PTPRD: variants seen among roughly 807,000 people sequenced by gnomAD.
PTPRD encodes the protein receptor-type tyrosine-protein phosphatase delta.
In PTPRD, 34 loss-of-function variants were observed where a neutral mutation model predicts 214.5. That is an observed-to-expected ratio of 0.16 (90% CI 0.12 to 0.21). The LOEUF (loss-of-function observed/expected upper bound fraction) is 0.21, where lower values mean the gene tolerates loss of function less well. Ranked by LOEUF, PTPRD falls within the 10% of genes least tolerant of loss-of-function variation. The pLI is 1.00. For synonymous variants in PTPRD, 1,128 were observed against 845.7 expected, an observed-to-expected ratio of 1.33 and a Z score of -5.79; for missense variants, 2,545 against 2,398.7, an observed-to-expected ratio of 1.06 and a Z score of -1.27.
At chr9:9,522,157 CAAA>C (rs770450649) in intron 8 of PTPRD, among the ~76,000 whole-genome samples, 1 of 40,450 alleles carries the variant, frequency 2.5e-5, no homozygotes. Flanking sequence ...ATCTCCATCT[CAAA>C]AAAAAAAAAA....
chr9:9,843,191 C>T (rs1048537742), intron 5 of PTPRD, among the ~76,000 whole-genome samples: 3 of 152,038 alleles, frequency 2.0e-5, no homozygotes, highest in Non-Finnish European at 2.9e-5. Context: ...CAGAAAAAGT[C>T]TGCTACTCAC....
At chr9:8,953,534 G>C (rs1164841171) in intron 11 of PTPRD, among the ~76,000 whole-genome samples, 1 of 151,990 alleles carries the variant, frequency 6.6e-6, no homozygotes, top group Non-Finnish European at 1.5e-5. Flanking sequence ...CACAGCAAGA[G>C]AAATTATCAA....
chr9:10,586,566 G>T (rs1370031350), intron 2 of PTPRD, among the ~76,000 whole-genome samples: 1 of 152,042 alleles, frequency 6.6e-6, no homozygotes, highest in Non-Finnish European at 1.5e-5. Context: ...AAATGACAAC[G>T]ATAGTAAGAA....
intron 5 of PTPRD, among the ~76,000 whole-genome samples, chr9:9,767,300 A>G (rs1193330238): frequency 6.6e-6 from 1 of 152,116 alleles, no homozygotes; most frequent in African/African-American, 2.4e-5. Context: ...GTGGCAGTGA[A>G]GCACTCATTA....
chr9:9,414,128 C>G (rs1279695210), intron 8 of PTPRD, among the ~76,000 whole-genome samples: 3 of 152,252 alleles, frequency 2.0e-5, no homozygotes. Flanking sequence ...ACAATCCAAA[C>G]TCTTCAATTA....
chr9:9,553,458 T>C (rs1372108291), intron 8 of PTPRD, among the ~76,000 whole-genome samples: 1 of 152,034 alleles, frequency 6.6e-6, no homozygotes, highest in Non-Finnish European at 1.5e-5. Flanking sequence ...ATGAGGATAC[T>C]GAAACTCAAA....
intron 7 of PTPRD, among the ~76,000 whole-genome samples, chr9:9,728,204 C>G (rs1326470984): frequency 1.3e-5 from 2 of 152,136 alleles, no homozygotes; most frequent in Non-Finnish European, 2.9e-5. Flanking sequence ...CCCATTAAAC[C>G]TCTTTTTCGT....
At chr9:9,284,112 G>T (rs1011576485) in intron 9 of PTPRD, among the ~76,000 whole-genome samples, 2 of 151,528 alleles carry the variant, frequency 1.3e-5, no homozygotes, top group Non-Finnish European at 3.0e-5. Flanking sequence ...TAATGTTCAG[G>T]ATTAGTCAGA....
intron 8 of PTPRD, among the ~76,000 whole-genome samples, chr9:9,482,495 T>C (rs1302221141): frequency 1.3e-5 from 2 of 152,206 alleles, no homozygotes; most frequent in Non-Finnish European, 2.9e-5. Context: ...TGTTCTTTTC[T>C]TTCATTGTCC....
intron 5 of PTPRD, among the ~76,000 whole-genome samples, chr9:9,769,145 A>C (rs1426609216): frequency 1.3e-5 from 2 of 152,148 alleles, no homozygotes; most frequent in African/African-American, 4.8e-5. Context: ...CAAGGAAAGA[A>C]GAAAAATAAA....
chr9:9,151,984 G>T (rs757196313), intron 10 of PTPRD, among the ~76,000 whole-genome samples: 1 of 152,298 alleles, frequency 6.6e-6, no homozygotes, highest in East Asian at 1.9e-4. Flanking sequence ...TTTGGAGTTT[G>T]TTGCTTATAA....
intron 12 of PTPRD, among the ~76,000 whole-genome samples, chr9:8,670,596 A>C (rs1283307339): frequency 6.6e-6 from 1 of 152,206 alleles, no homozygotes; most frequent in Non-Finnish European, 1.5e-5. Flanking sequence ...TAAGTATCCC[A>C]TACTTTCGCG....
intron 14 of PTPRD, among the ~76,000 whole-genome samples, chr9:8,609,545 G>T (rs2095365005): frequency 6.6e-6 from 1 of 152,216 alleles, no homozygotes; most frequent in African/African-American, 2.4e-5. Context: ...GGAAGCTTGT[G>T]TTACCATGTG....
intron 3 of PTPRD, among the ~76,000 whole-genome samples, chr9:10,247,381 C>A (rs2092272020): frequency 6.6e-6 from 1 of 152,084 alleles, no homozygotes; most frequent in South Asian, 2.1e-4. Context: ...CCTATTAAAG[C>A]TTTATTAATT....
chr9:8,456,371 G>A (rs2096202747), intron 33 of PTPRD, among the ~76,000 whole-genome samples: 1 of 152,124 alleles, frequency 6.6e-6, no homozygotes, highest in South Asian at 2.1e-4. Flanking sequence ...CAGGCACCCA[G>A]AAAGGCTTGA....
intron 12 of PTPRD, among the ~76,000 whole-genome samples, chr9:8,720,110 C>G (rs112269652): frequency 1.4e-4 from 21 of 152,334 alleles, no homozygotes; most frequent in African/African-American, 4.8e-4. Flanking sequence ...TTAAACTCCA[C>G]CTCCCATGTG....
chr9:9,176,326 T>A (rs908774084), intron 10 of PTPRD, among the ~76,000 whole-genome samples: 2 of 152,184 alleles, frequency 1.3e-5, no homozygotes, highest in African/African-American at 2.4e-5. Flanking sequence ...ATTTGACCAT[T>A]AAGGTCACTC....
chr9:8,400,540 T>C (rs2092208915), intron 36 of PTPRD, among the ~76,000 whole-genome samples: 1 of 152,176 alleles, frequency 6.6e-6, no homozygotes, highest in Non-Finnish European at 1.5e-5. Context: ...ATAAGGCTAA[T>C]GCCAAAAGAT....
chr9:8,708,498 A>AC (rs1451684035), intron 12 of PTPRD, among the ~76,000 whole-genome samples: 1 of 151,584 alleles, frequency 6.6e-6, no homozygotes, highest in Non-Finnish European at 1.5e-5. Flanking sequence ...ACATGGTGAA[A>AC]CCCCGTCTCT....
Sources: allele counts gnomAD v4.1 joint callset (sites outside exome capture counted in the v4.1 genomes callset), GRCh38; gene constraint gnomAD v4.1.1; transcripts MANE v1.5; gene names NCBI Gene and HGNC (gene_info 2026-07-23, HGNC 2026-07-21).